ZNF672: variants seen among roughly 807,000 people sequenced by gnomAD.
The protein encoded by ZNF672 is zinc finger protein 672.
For synonymous variants in ZNF672, 358 were observed against 305.6 expected (o/e 1.17, Z -1.79); for missense variants, 733 against 701.1 (o/e 1.05, Z -0.51).
rs769132803 is a variant in ZNF672, at chr1:248,848,250, C to T, written c.976C>T (p.Leu326Phe). The part of the protein sequence containing the change: ...CGRRFSDRSD[L>F]TKHRRTHTGE... Reference sequence around the variant, plus strand: ...CCGCCGCTTCAGCGACCGCTCGGACCTCACCAAGCACCGGCGCACGCACAC... The same window carrying T: ...CCGCCGCTTCAGCGACCGCTCGGACTTCACCAAGCACCGGCGCACGCACAC... The change falls in exon 4 of 4, where the codon CTC becomes TTC. Residue 326 changes from leucine to phenylalanine, a missense_variant. By Grantham distance (22) the Leu-to-Phe change is conservative. Transcript: ENST00000306562. 8 of 1,603,132 alleles carry T rather than the reference C, an allele frequency of 5.0e-6. No individual in the cohort carries two copies. Among genetic ancestry groups the T allele is most frequent in the African/African-American group, 1.3e-5 (1 of 74,834 alleles).
At chr1:248,843,598 C>G (rs1664711230) in intron 1 of ZNF672, among the ~76,000 whole-genome samples, 1 of 152,114 alleles carries the variant, frequency 6.6e-6, no homozygotes, top group African/African-American at 2.4e-5. Context: ...TTTGGAAAGG[C>G]CATTTGGACA....
rs142918102 is a variant in ZNF672 at position 248,845,857 on chromosome 1, C to T, written c.-224+195C>T. Among the ~76,000 whole-genome samples, 602 of 152,296 alleles carry T rather than the reference C, an allele frequency of 4.0e-3. 7 individuals are homozygous for T. Among genetic ancestry groups the T allele is most frequent in the East Asian group, 0.015 (77 of 5,186 alleles). On this transcript the variant is annotated intron_variant, in intron 3 of 3. Coordinates refer to ENST00000306562, the MANE Select transcript of ZNF672 (RefSeq NM_024836.3). ...GGCTATACTGTACTAGCAACTAGACCTAATCTCCAGTAAGGCTGGAGACTG... is the reference window on the plus strand; with the variant it reads ...GGCTATACTGTACTAGCAACTAGACTTAATCTCCAGTAAGGCTGGAGACTG...
chr1:248,847,414 G>T lies in ZNF672; in HGVS notation c.140G>T (p.Cys47Phe). Residue 47 changes from cysteine (C) to phenylalanine (F), a missense_variant, in exon 4 of 4, where the codon TGC becomes TTC. By Grantham distance (205) the Cys-to-Phe change is radical. Coordinates refer to ENST00000306562, the MANE Select transcript of ZNF672 (RefSeq NM_024836.3). The part of the protein sequence containing the change: ...GGDGRFRCLE[C>F]GERCARAADL... ...GACGGCCGCTTCCGTTGCCTAGAAT[G>T]CGGTGAGCGCTGTGCACGGGCTGCT... 6.3e-7 allele frequency: 1 copy of T among 1,594,544 alleles called. No individual in the cohort carries two copies. The highest frequency in any genetic ancestry group is 8.5e-7 in the Non-Finnish European group (1 of 1,170,306).
In ZNF672 at chr1:248,848,596, C is replaced by T; in HGVS notation, c.1322C>T (p.Pro441Leu). ...AVGTALVFEGPAEQEKPGFSV... is the reference protein window; with the variant it reads ...AVGTALVFEGLAEQEKPGFSV... ...GGCACTGCCCTCGTCTTTGAGGGGC[C>T]GGCTGAACAGGAAAAGCCAGGGTTC... The change falls in exon 4 of 4, where the codon CCG (proline) becomes CTG (leucine). Residue 441 changes from proline to leucine, a missense_variant. Pro to Leu is a moderately conservative substitution (Grantham distance 98, BLOSUM62 -3). Transcript: ENST00000306562. 1.3e-6 allele frequency: 2 copies of T among 1,587,710 alleles called. No homozygotes were observed. The highest frequency in any genetic ancestry group is 8.6e-7 in the Non-Finnish European group (1 of 1,164,280).
rs1659268381 is a variant in ZNF672, at chr1:248,848,748, T to G, written c.*115T>G. On this transcript the variant is annotated 3_prime_UTR_variant, in exon 4 of 4. Coordinates refer to ENST00000306562, the MANE Select transcript of ZNF672 (RefSeq NM_024836.3). ...AGATTTGGGAAAAGACGATGTGGCC[T>G]CCTACCTTTCCAGTTTCTGTTGGCA... The G allele has an allele frequency of 2.9e-6, 4 of 1,400,986 alleles. No homozygotes were observed. Among genetic ancestry groups the G allele is most frequent in the African/African-American group, 1.5e-5 (1 of 68,932 alleles). 86.8% of individuals were successfully genotyped at this position (1,400,986 alleles called of 1,614,324 possible).
Position 248,847,120 on chromosome 1 carries a change from A to G in ZNF672, c.-155A>G, listed in dbSNP as rs1664773678. 1.0e-6 allele frequency: 1 copy of G among 1,004,292 alleles called. No individual in the cohort carries two copies. The highest frequency in any genetic ancestry group is 1.4e-6 in the Non-Finnish European group (1 of 702,210). 62.2% of individuals were successfully genotyped at this position (1,004,292 alleles called of 1,614,324 possible). On this transcript the variant is annotated 5_prime_UTR_variant, in exon 4 of 4. Coordinates refer to ENST00000306562, the MANE Select transcript of ZNF672 (RefSeq NM_024836.3). ...AGCCACAATGTCTGCCCCTTAGAGA[A>G]GAACCCTGAAATCAGACCAGTTTTT...
chr1:248,847,644 C>T lies in ZNF672; in HGVS notation c.370C>T (p.Pro124Ser), dbSNP rs1177360493. Residue 124 changes from proline to serine, a missense_variant, in exon 4 of 4, where the codon CCA (proline) becomes TCA (serine). Transcript: ENST00000306562. ...LLLHRRRQHL[P>S]ERPRRCPLCA... ...GCTACACCGGCGCCGCCAGCATCTGCCAGAGCGGCCCCGCCGCTGCCCGCT... is the reference window on the plus strand; with the variant it reads ...GCTACACCGGCGCCGCCAGCATCTGTCAGAGCGGCCCCGCCGCTGCCCGCT... 1.3e-6 allele frequency: 2 copies of T among 1,507,838 alleles called. No homozygotes were observed. The highest frequency in any genetic ancestry group is 2.1e-5 in the Admixed American group (1 of 47,602). The allele number at this position is 1,507,838 out of a possible 1,614,324, so 93.4% of individuals were successfully genotyped here.
At chr1:248,845,210 C>T (rs943021205) in intron 2 of ZNF672, among the ~76,000 whole-genome samples, 3 of 152,094 alleles carry the variant, frequency 2.0e-5, no homozygotes, top group East Asian at 1.9e-4. Flanking sequence ...TGCAGTGAGC[C>T]GAGATGGAGT....
chr1:248,847,196 G>A lies in ZNF672; in HGVS notation c.-79G>A. On this transcript the variant is annotated 5_prime_UTR_variant, in exon 4 of 4. Transcript: ENST00000306562. ...ACAGTGCCCTTTCCAGGCCTTAAGA[G>A]AAGTAAAACTTAGCTGCAGCGTCAG... 1 of 1,515,170 alleles carries A rather than the reference G, an allele frequency of 6.6e-7. No individual in the cohort carries two copies. The highest frequency in any genetic ancestry group is 8.9e-7 in the Non-Finnish European group (1 of 1,123,544). 93.9% of individuals were successfully genotyped at this position (1,515,170 alleles called of 1,614,324 possible).
intron 3 of ZNF672, among the ~76,000 whole-genome samples, chr1:248,846,538 G>A (rs1476144407): frequency 6.6e-6 from 1 of 152,180 alleles, no homozygotes; most frequent in Non-Finnish European, 1.5e-5. Context: ...CTTTGCCTAG[G>A]CTGTTGCTGC....
At chr1:248,841,400 C>T (rs1029129823) in intron 1 of ZNF672, among the ~76,000 whole-genome samples, 1 of 152,184 alleles carries the variant, frequency 6.6e-6, no homozygotes, top group Admixed American at 6.5e-5. Flanking sequence ...ACAGGACAAG[C>T]TCCCACTATG....
Position 248,847,489 on chromosome 1 carries a change from G to A in ZNF672, c.215G>A (p.Cys72Tyr), listed in dbSNP as rs1415066959. 2.5e-6 allele frequency: 4 copies of A among 1,597,062 alleles called. No individual in the cohort carries two copies. The highest frequency in any genetic ancestry group is 3.4e-6 in the Non-Finnish European group (4 of 1,172,076). The change falls in exon 4 of 4, where the codon TGC (cysteine) becomes TAC (tyrosine). Residue 72 changes from cysteine (C) to tyrosine (Y), a missense_variant. Coordinates refer to ENST00000306562, the MANE Select transcript of ZNF672 (RefSeq NM_024836.3). ...CATGCTGGCCAGACCCTCTACATCT[G>A]CAGTGAGTGCGGACAAAGCTTCCGC... ...RTHAGQTLYICSECGQSFRHS... is the reference protein window; with the variant it reads ...RTHAGQTLYIYSECGQSFRHS...
In ZNF672 at chr1:248,847,717, G is replaced by A; in HGVS notation, c.443G>A (p.Arg148Gln). ...RQSALLFHQA[R>Q]AHPLGTTSDP... is the part of the protein sequence containing the mutation. ...AGCGCGCTGCTCTTCCACCAGGCGC[G>A]GGCGCACCCCTTGGGGACAACCTCT... The change falls in exon 4 of 4, where the codon CGG becomes CAG. Residue 148 changes from arginine to glutamine, a missense_variant. Physicochemically the swap from Arg to Gln is conservative, Grantham distance 43. Coordinates refer to ENST00000306562, the MANE Select transcript of ZNF672 (RefSeq NM_024836.3). 5.5e-6 allele frequency: 8 copies of A among 1,458,482 alleles called. No homozygotes were observed. The highest frequency in any genetic ancestry group is 7.2e-6 in the Non-Finnish European group (8 of 1,109,664). 90.3% of individuals were successfully genotyped at this position (1,458,482 alleles called of 1,614,324 possible). A position where few individuals can be genotyped will look rare whatever the true frequency, so the allele number is the denominator to read the frequency against.
Position 248,847,312 on chromosome 1 carries a change from C to G in ZNF672, c.38C>G (p.Pro13Arg). The change falls in exon 4 of 4, where the codon CCT becomes CGT. Residue 13 changes from proline (P) to arginine (R), a missense_variant. Transcript: ENST00000306562. Reference protein sequence around the residue: ...ATSGAVAAGKPYSCSECGKSF... With the variant: ...ATSGAVAAGKRYSCSECGKSF... The stretch of plus-strand genomic sequence containing the variant: ...TCTGGGGCAGTGGCAGCGGGGAAGC[C>G]TTACTCGTGCAGCGAATGTGGCAAG... The G allele has an allele frequency of 6.2e-7, 1 of 1,607,710 alleles. No homozygotes were observed. The highest frequency in any genetic ancestry group is 8.5e-7 in the Non-Finnish European group (1 of 1,174,542).
rs1227635009 is a variant in ZNF672, at chr1:248,847,329, T to C, written c.55T>C (p.Cys19Arg). ...AAGKPYSCSECGKSFCYSSVL... is the reference protein window; with the variant it reads ...AAGKPYSCSERGKSFCYSSVL... ...GGGGAAGCCTTACTCGTGCAGCGAA[T>C]GTGGCAAGAGCTTCTGCTACAGCTC... is the stretch of plus-strand genomic sequence containing the variant. Residue 19 changes from cysteine (C) to arginine (R), a missense_variant, in exon 4 of 4, where the codon TGT becomes CGT. By Grantham distance (180) the Cys-to-Arg change is radical. Transcript: ENST00000306562. 1 of 1,611,540 alleles carries C rather than the reference T, an allele frequency of 6.2e-7. No individual in the cohort carries two copies. Among genetic ancestry groups the C allele is most frequent in the Admixed American group, 1.7e-5 (1 of 59,980 alleles).
chr1:248,841,794 T>G lies in ZNF672; in HGVS notation c.-474-2689T>G, dbSNP rs1664683128. On this transcript the variant is annotated intron_variant, in intron 1 of 3. Transcript: ENST00000306562. ...AAAATTAGCTGTGGTAGCTCGAGCC[T>G]GTAATCCCAGCTGCTTGGGAGGCTG... Among the ~76,000 whole-genome samples the G allele has an allele frequency of 3.3e-5, 5 of 152,114 alleles. No homozygotes were observed. In the South Asian group the frequency reaches 1.0e-3, roughly 31 times the overall value.
rs1323711979 is a variant in ZNF672, at chr1:248,848,346, C to T, written c.1072C>T (p.Arg358Trp). ...FTCVSNLNVHRRNHAGHKPHK... is the reference protein window; with the variant it reads ...FTCVSNLNVHWRNHAGHKPHK... ...GTGCGTGTCCAATCTCAACGTGCAT[C>T]GGCGCAACCATGCCGGCCACAAGCC... The change falls in exon 4 of 4, where the codon CGG (arginine) becomes TGG (tryptophan). Residue 358 changes from arginine (R) to tryptophan (W), a missense_variant. Coordinates refer to ENST00000306562, the MANE Select transcript of ZNF672 (RefSeq NM_024836.3). The T allele has an allele frequency of 5.0e-6, 8 of 1,601,332 alleles. No individual in the cohort carries two copies. Among genetic ancestry groups the T allele is most frequent in the African/African-American group, 2.7e-5 (2 of 74,924 alleles).
In ZNF672 at chr1:248,847,994, C is replaced by T; in HGVS notation, c.720C>T (p.Ala240=). 6.4e-7 allele frequency: 1 copy of T among 1,556,724 alleles called. No individual in the cohort carries two copies. Among genetic ancestry groups the T allele is most frequent in the Non-Finnish European group, 8.7e-7 (1 of 1,151,722 alleles). The change falls in exon 4 of 4, where the codon GCC becomes GCT. Residue 240 remains alanine, a synonymous_variant. Transcript: ENST00000306562. ...GCGGCAAGGGCTTCCTGGAGAGCGC[C>T]ACGCTGGTGCGCCACCAGCGCACAC... ...PECGKGFLES[A]TLVRHQRTHT...
In ZNF672 at chr1:248,847,677, C is replaced by A; in HGVS notation, c.403C>A (p.Arg135Ser). ...ERPRRCPLCA[R>S]TFRQSALLFH... Reference sequence around the variant, plus strand: ...GCCCCGCCGCTGCCCGCTGTGCGCCCGCACCTTCCGGCAGAGCGCGCTGCT... The same window carrying A: ...GCCCCGCCGCTGCCCGCTGTGCGCCAGCACCTTCCGGCAGAGCGCGCTGCT... The change falls in exon 4 of 4, where the codon CGC becomes AGC. Residue 135 changes from arginine to serine, a missense_variant. Transcript: ENST00000306562. The A allele has an allele frequency of 1.4e-6, 2 of 1,481,102 alleles. No homozygotes were observed. Among genetic ancestry groups the A allele is most frequent in the Non-Finnish European group, 1.8e-6 (2 of 1,121,644 alleles). 91.7% of individuals were successfully genotyped at this position (1,481,102 alleles called of 1,614,324 possible). A position where few individuals can be genotyped will look rare whatever the true frequency, so the allele number is the denominator to read the frequency against.
Sources: allele counts gnomAD v4.1 joint callset (sites outside exome capture counted in the v4.1 genomes callset), GRCh38; gene constraint gnomAD v4.1.1; transcripts MANE v1.5; gene names NCBI Gene and HGNC (gene_info 2026-07-23, HGNC 2026-07-21).